The following PRKCE variants were observed in gnomAD, a reference collection of about 807,000 sequenced individuals.
PRKCE encodes the protein protein kinase C epsilon type.
A neutral mutation model predicts 85.4 loss-of-function variants in PRKCE; 16 were observed. The ratio of observed to expected loss-of-function variants is 0.19; its 90% CI spans 0.13 to 0.28. PRKCE has a LOEUF of 0.28. Among genes scored for constraint, PRKCE ranks in the 10% least tolerant of loss-of-function variants. The probability of loss-of-function intolerance (pLI) is 1.00; values close to 1 mark genes in which losing one functional copy is unlikely to be tolerated. For synonymous variants in PRKCE, 388 were observed against 371.5 expected (o/e 1.04, Z -0.51); for missense variants, 573 against 975.2 (o/e 0.59, Z 5.49).
At chr2:45,897,481 T>A (rs1696239387) in intron 2 of PRKCE, among the ~76,000 whole-genome samples, 1 of 152,190 alleles carries the variant, frequency 6.6e-6, no homozygotes, top group Non-Finnish European at 1.5e-5. Context: ...TTTTTAAAAT[T>A]TGAAGAAAGT....
At chr2:45,855,791 G>T (rs942761073) in intron 2 of PRKCE, among the ~76,000 whole-genome samples, 2 of 152,082 alleles carry the variant, frequency 1.3e-5, no homozygotes, top group African/African-American at 4.8e-5. Flanking sequence ...TTTTGTTTTG[G>T]GTAGAAAGCT....
At chr2:45,850,060 G>C (rs1692127583) in intron 2 of PRKCE, among the ~76,000 whole-genome samples, 1 of 152,156 alleles carries the variant, frequency 6.6e-6, no homozygotes, top group Admixed American at 6.5e-5. Flanking sequence ...ATAGCCTCTA[G>C]ATGCACAGCA....
At chr2:45,701,200 A>G (rs566919965) in intron 1 of PRKCE, among the ~76,000 whole-genome samples, 1 of 152,332 alleles carries the variant, frequency 6.6e-6, no homozygotes, top group South Asian at 2.1e-4. Context: ...CTCAATGAAC[A>G]GTATCTACTC....
intron 10 of PRKCE, among the ~76,000 whole-genome samples, chr2:46,023,374 A>G (rs1706843735): frequency 6.6e-6 from 1 of 152,216 alleles, no homozygotes; most frequent in Admixed American, 6.5e-5. Flanking sequence ...GTCATCTCAC[A>G]AGTGCCTGTT....
chr2:45,702,693 T>G lies in PRKCE; in HGVS notation c.348+50245T>G, dbSNP rs149870565. Among the ~76,000 whole-genome samples the G allele has an allele frequency of 4.7e-3, 721 of 152,106 alleles. 3 individuals are homozygous for G. The highest frequency in any genetic ancestry group is 6.7e-3 in the Non-Finnish European group (455 of 67,992). On this transcript the variant is annotated intron_variant, in intron 1 of 14. Transcript: ENST00000306156. ...TATATAGTAGAACCCTTCTTTTTTT[T>G]CCCCCAAAATAAAGCTCTAGGGGTA...
chr2:45,978,691 C>A, intron 3 of PRKCE: 1 of 327,644 alleles, frequency 3.1e-6, no homozygotes, highest in Non-Finnish European at 5.6e-6. Context: ...TCGTTTGTGG[C>A]TTTCCAGAAC....
chr2:46,063,732 G>A (rs558762881), intron 10 of PRKCE, among the ~76,000 whole-genome samples: 6 of 152,148 alleles, frequency 3.9e-5, no homozygotes, highest in Non-Finnish European at 8.8e-5. Flanking sequence ...TAGACCAATC[G>A]CCACTTCCTT....
intron 2 of PRKCE, among the ~76,000 whole-genome samples, chr2:45,973,103 A>G (rs911786366): frequency 3.9e-5 from 6 of 152,260 alleles, no homozygotes; most frequent in South Asian, 2.1e-4. Context: ...AAGTTAATAC[A>G]TATGTGGGAT....
chr2:45,935,653 G>A (rs1291787454), intron 2 of PRKCE, among the ~76,000 whole-genome samples: 2 of 152,036 alleles, frequency 1.3e-5, no homozygotes, highest in Admixed American at 1.3e-4. Context: ...TGGGCATTGT[G>A]ACGTGCCGGT....
At chr2:45,704,569 G>A (rs995306641) in intron 1 of PRKCE, among the ~76,000 whole-genome samples, 5 of 152,292 alleles carry the variant, frequency 3.3e-5, no homozygotes, top group African/African-American at 1.2e-4. Context: ...AGAGTCACTG[G>A]ATTCCTAATA....
At chr2:46,116,790 G>T (rs780157232) in intron 11 of PRKCE, among the ~76,000 whole-genome samples, 4 of 152,100 alleles carry the variant, frequency 2.6e-5, no homozygotes, top group Non-Finnish European at 5.9e-5. Context: ...GAAATAGGAG[G>T]AGTAAAAGCA....
intron 3 of PRKCE, 138 bp from the exon 4 acceptor site, chr2:45,978,838 G>A (rs1159794299): frequency 2.9e-6 from 2 of 697,592 alleles, no homozygotes; most frequent in Non-Finnish European, 4.8e-6. Context: ...TTGCAAGTGA[G>A]AGAGAAATTA....
chr2:46,082,342 G>T (rs531123014), intron 10 of PRKCE, among the ~76,000 whole-genome samples: 11 of 152,124 alleles, frequency 7.2e-5, no homozygotes, highest in African/African-American at 2.7e-4. Context: ...GCAAAGATAC[G>T]ATAAGTAAAT....
At chr2:45,820,767 G>C (rs1253786652) in intron 1 of PRKCE, among the ~76,000 whole-genome samples, 1 of 152,142 alleles carries the variant, frequency 6.6e-6, no homozygotes, top group Non-Finnish European at 1.5e-5. Context: ...GTGCATGGTT[G>C]TTGCAGATTT....
intron 2 of PRKCE, among the ~76,000 whole-genome samples, chr2:45,863,448 A>G (rs1383779911): frequency 6.6e-6 from 1 of 152,064 alleles, no homozygotes; most frequent in Middle Eastern, 3.2e-3. Flanking sequence ...TCAGGACCCC[A>G]AACAGCTCTA....
chr2:45,984,261 T>C (rs531995993), intron 5 of PRKCE, among the ~76,000 whole-genome samples: 7 of 152,230 alleles, frequency 4.6e-5, no homozygotes, highest in African/African-American at 1.7e-4. Flanking sequence ...GAGGACACTG[T>C]ACTATGATTG....
intron 10 of PRKCE, among the ~76,000 whole-genome samples, chr2:46,011,464 G>C (rs1370110933): frequency 6.6e-6 from 1 of 152,106 alleles, no homozygotes; most frequent in Non-Finnish European, 1.5e-5. Context: ...CCGTGTATCT[G>C]ATGCCATGCC....
In PRKCE at chr2:45,835,584, C is replaced by T. The variant is rs115395470; in HGVS notation, c.349-7416C>T. 4.0e-3 allele frequency among the ~76,000 whole-genome samples: 564 copies of T among 142,182 alleles called. 4 individuals are homozygous for T. The highest frequency in any genetic ancestry group is 0.014 in the African/African-American group (529 of 37,770). The allele number at this position is 142,182 out of a possible 152,430, so 93.3% of individuals were successfully genotyped here. ...ATAGCATCCATGTTGTTGCATGTATCGGTAGTATATTTGTTTTTTTTTTTT... is the reference window on the plus strand; with the variant it reads ...ATAGCATCCATGTTGTTGCATGTATTGGTAGTATATTTGTTTTTTTTTTTT... On this transcript the variant is annotated intron_variant, in intron 1 of 14. Coordinates refer to ENST00000306156, the MANE Select transcript of PRKCE (RefSeq NM_005400.3).
intron 1 of PRKCE, among the ~76,000 whole-genome samples, chr2:45,807,001 G>T (rs957646270): frequency 6.6e-6 from 1 of 152,200 alleles, no homozygotes; most frequent in Non-Finnish European, 1.5e-5. Context: ...TGCTGAAGCT[G>T]CTTCCAAGAG....
Sources: allele counts gnomAD v4.1 joint callset (sites outside exome capture counted in the v4.1 genomes callset), GRCh38; gene constraint gnomAD v4.1.1; transcripts MANE v1.5; gene names NCBI Gene and HGNC (gene_info 2026-07-23, HGNC 2026-07-21).